The following GALNT8 variants were observed in gnomAD, a reference collection of about 807,000 sequenced individuals.
GALNT8 encodes the protein polypeptide N-acetylgalactosaminyltransferase 8.
In GALNT8, 66 loss-of-function variants were observed where a neutral mutation model predicts 62.7. The observed-to-expected ratio is 1.05, with a 90% CI of 0.86 to 1.29. The LOEUF is 1.29. Among genes scored for constraint, GALNT8 ranks in the 50% most tolerant of loss-of-function variants. The pLI, the probability that GALNT8 is intolerant of heterozygous loss-of-function variation, is 0.00. For synonymous variants in GALNT8, 288 were observed against 294.3 expected (o/e 0.98, Z 0.22); for missense variants, 771 against 791.8 (o/e 0.97, Z 0.32).
At chr12:4,721,378 G>A (rs1419289287) in intron 1 of GALNT8, among the ~76,000 whole-genome samples, 1 of 151,986 alleles carries the variant, frequency 6.6e-6, no homozygotes, top group East Asian at 1.9e-4. Flanking sequence ...GGAGGATCCC[G>A]CCAGCCTCTG....
rs1468441463 is a variant in GALNT8 at position 4,749,536 on chromosome 12, G to A, written c.1173+3278G>A. Among the ~76,000 whole-genome samples, 2 of 151,854 alleles carry A rather than the reference G, an allele frequency of 1.3e-5. No individual in the cohort carries two copies. Among genetic ancestry groups the A allele is most frequent in the East Asian group, 3.9e-4 (2 of 5,172 alleles). On this transcript the variant is annotated intron_variant, in intron 6 of 10. Coordinates refer to ENST00000252318, the MANE Select transcript of GALNT8 (RefSeq NM_017417.2). This position sits in a 1 kb window ranked among gnomAD's most constrained non-coding sequence, Gnocchi z 4.1. ...GGTCATAATGAATGACCTTTCTAAT[G>A]TATTGTCAAATTCAGTTTGCTAATA... is the stretch of plus-strand genomic sequence containing the variant.
At chr12:4,738,874 G>A (rs1395641593) in intron 2 of GALNT8, among the ~76,000 whole-genome samples, 1 of 152,144 alleles carries the variant, frequency 6.6e-6, no homozygotes, top group Non-Finnish European at 1.5e-5. Flanking sequence ...AAACTAATCC[G>A]GGTGTAGAAG....
intron 9 of GALNT8, among the ~76,000 whole-genome samples, chr12:4,764,460 T>TA (rs1162573826): frequency 2.0e-5 from 3 of 150,282 alleles, no homozygotes; most frequent in East Asian, 3.9e-4. Context: ...CTAGAGAGGA[T>TA]AGAGGCTGAG....
intron 2 of GALNT8, among the ~76,000 whole-genome samples, chr12:4,738,732 A>G (rs1169718991): frequency 6.6e-6 from 1 of 152,196 alleles, no homozygotes; most frequent in Non-Finnish European, 1.5e-5. Flanking sequence ...CCATATGGTA[A>G]GCATTTAGTA....
chr12:4,760,033 A>G (rs1946364436), intron 6 of GALNT8, among the ~76,000 whole-genome samples: 1 of 152,234 alleles, frequency 6.6e-6, no homozygotes, highest in African/African-American at 2.4e-5. Flanking sequence ...CTATTGCTGT[A>G]TAACGATGTT....
At chr12:4,740,349 T>C (rs1381974525) in intron 3 of GALNT8, among the ~76,000 whole-genome samples, 1 of 152,204 alleles carries the variant, frequency 6.6e-6, no homozygotes, top group Non-Finnish European at 1.5e-5. Context: ...AACCATTTTA[T>C]GAACTATAGT....
At position 4,770,036 on chromosome 12, in the gene GALNT8, C is replaced by A. The variant is rs181650362; in HGVS notation, c.1762-2409C>A. Reference sequence around the variant, plus strand: ...CAAAATGGCCGGGCACGGTGGCTCACGCCTATAACCCCAGCACTTTGGGAG... The same window carrying A: ...CAAAATGGCCGGGCACGGTGGCTCAAGCCTATAACCCCAGCACTTTGGGAG... On this transcript the variant is annotated intron_variant, in intron 10 of 10. Coordinates refer to ENST00000252318, the MANE Select transcript of GALNT8 (RefSeq NM_017417.2). Among the ~76,000 whole-genome samples, 3 of 152,302 alleles carry A rather than the reference C, an allele frequency of 2.0e-5. No homozygotes were observed. The East Asian group carries it at 5.8e-4, about 29-fold the overall frequency.
At chr12:4,748,906 A>G (rs1367547623) in intron 6 of GALNT8, among the ~76,000 whole-genome samples, 1 of 151,964 alleles carries the variant, frequency 6.6e-6, no homozygotes, top group Non-Finnish European at 1.5e-5. Context: ...AGGGTTTTAT[A>G]GTTTTCATTT....
chr12:4,769,482 A>G (rs753254573), intron 10 of GALNT8, among the ~76,000 whole-genome samples: 17 of 152,192 alleles, frequency 1.1e-4, no homozygotes, highest in Non-Finnish European at 2.2e-4. Context: ...TCACAGTGAA[A>G]CACAAGGAAA....
intron 10 of GALNT8, among the ~76,000 whole-genome samples, chr12:4,768,062 TTTC>T (rs1419810994): frequency 2.0e-5 from 3 of 152,210 alleles, no homozygotes; most frequent in Non-Finnish European, 4.4e-5. Flanking sequence ...TTAAATTTCC[TTTC>T]TTAAGAACTT....
In GALNT8 at chr12:4,749,294, G is replaced by A. The variant is rs1946312996; in HGVS notation, c.1173+3036G>A. Reference sequence around the variant, plus strand: ...CCTTTGTCATGTTCCAGATCTTAGAGGAAAGGCTTTCAGTTATGTTAAGGT... The same window carrying A: ...CCTTTGTCATGTTCCAGATCTTAGAAGAAAGGCTTTCAGTTATGTTAAGGT... On this transcript the variant is annotated intron_variant, in intron 6 of 10. Transcript: ENST00000252318. This position sits in a 1 kb window ranked among gnomAD's most constrained non-coding sequence, Gnocchi z 4.1. Among the ~76,000 whole-genome samples the A allele has an allele frequency of 6.6e-6, 1 of 151,978 alleles. No individual in the cohort carries two copies. The highest frequency in any genetic ancestry group is 2.4e-5 in the African/African-American group (1 of 41,416).
At chr12:4,770,954 C>T (rs998923968) in intron 10 of GALNT8, among the ~76,000 whole-genome samples, 1 of 152,124 alleles carries the variant, frequency 6.6e-6, no homozygotes, top group Non-Finnish European at 1.5e-5. Context: ...TCTCTAGCAT[C>T]GAGGATGGCT....
intron 2 of GALNT8, among the ~76,000 whole-genome samples, chr12:4,729,766 T>C (rs1401713053): frequency 2.0e-5 from 3 of 152,212 alleles, no homozygotes; most frequent in African/African-American, 7.2e-5. Context: ...TGCTAGATCA[T>C]ACAGTAGTTC....
At chr12:4,725,249 G>A (rs565775029) in intron 1 of GALNT8, among the ~76,000 whole-genome samples, 34 of 152,274 alleles carry the variant, frequency 2.2e-4, no homozygotes, top group African/African-American at 7.7e-4. Flanking sequence ...GAGCTTGAGG[G>A]AGTTCAAGGT....
chr12:4,772,317 G>A (rs1946428201), intron 10 of GALNT8, 128 bp from the exon 11 acceptor site: 1 of 772,996 alleles, frequency 1.3e-6, no homozygotes, highest in South Asian at 1.7e-5. Context: ...TTCTTCCCTG[G>A]ATGACTTGTG....
chr12:4,769,289 G>A (rs1946412846), intron 10 of GALNT8, among the ~76,000 whole-genome samples: 2 of 152,174 alleles, frequency 1.3e-5, no homozygotes, highest in Non-Finnish European at 1.5e-5. Flanking sequence ...CCACTGGTGA[G>A]CATGGAGACT....
chr12:4,720,584 C>T lies in GALNT8; in HGVS notation c.-94C>T, dbSNP rs944571985. On this transcript the variant is annotated 5_prime_UTR_variant, in exon 1 of 11. Transcript: ENST00000252318. The stretch of plus-strand genomic sequence containing the variant: ...CAACTCAACTGGCACCTAGAACTCT[C>T]TTTCCCACAAAAGCTAGGCTGGTTC... 5.7e-6 allele frequency: 5 copies of T among 871,986 alleles called. No homozygotes were observed. The African/African-American group carries it at 6.6e-5, about 12-fold the overall frequency. 54.0% of individuals were successfully genotyped at this position (871,986 alleles called of 1,614,324 possible). A position where few individuals can be genotyped will look rare whatever the true frequency, so the allele number is the denominator to read the frequency against.
intron 1 of GALNT8, among the ~76,000 whole-genome samples, chr12:4,725,985 G>A (rs1946193825): frequency 6.6e-6 from 1 of 152,178 alleles, no homozygotes; most frequent in Non-Finnish European, 1.5e-5. Flanking sequence ...GTAGTGGTTA[G>A]GTTAGATTTG....
intron 3 of GALNT8, among the ~76,000 whole-genome samples, chr12:4,740,408 A>G (rs1591567603): frequency 6.6e-6 from 1 of 151,574 alleles, no homozygotes; most frequent in South Asian, 2.1e-4. Context: ...TGTTCTAAGC[A>G]CCTTACGTGT....
Sources: allele counts gnomAD v4.1 joint callset (sites outside exome capture counted in the v4.1 genomes callset), GRCh38; gene constraint gnomAD v4.1.1; non-coding constraint Gnocchi (gnomAD v3.1); transcripts MANE v1.5; gene names NCBI Gene and HGNC (gene_info 2026-07-23, HGNC 2026-07-21).